BCAS3: variants seen among roughly 807,000 people sequenced by gnomAD.
BCAS3 encodes BCAS4/BCAS3 fusion.
In BCAS3, 53 loss-of-function variants were observed where a neutral mutation model predicts 116.1. The ratio of observed to expected loss-of-function variants is 0.46; its 90% CI spans 0.37 to 0.57. The LOEUF (loss-of-function observed/expected upper bound fraction) is 0.57. Among genes scored for constraint, BCAS3 ranks in the 20% least tolerant of loss-of-function variants. The pLI, the probability that BCAS3 is intolerant of heterozygous loss-of-function variation, is 0.00. For missense variants in BCAS3, 917 were observed against 1,165.4 expected (o/e 0.79, Z 3.10); for synonymous variants, 391 against 408.2 (o/e 0.96, Z 0.51).
intron 6 of BCAS3, among the ~76,000 whole-genome samples, chr17:60,751,005 T>C (rs1040262293): frequency 6.6e-6 from 1 of 152,208 alleles, no homozygotes; most frequent in African/African-American, 2.4e-5. Context: ...ATTTGTTGAA[T>C]GTTGCTGGAT....
chr17:61,040,356 A>G (rs1033934286), intron 18 of BCAS3, among the ~76,000 whole-genome samples: 3 of 152,230 alleles, frequency 2.0e-5, no homozygotes, highest in Admixed American at 6.5e-5. Flanking sequence ...AATTTGATCT[A>G]TAATAAGTCA....
intron 21 of BCAS3, among the ~76,000 whole-genome samples, chr17:61,080,884 A>AT (rs896094045): frequency 2.6e-5 from 4 of 151,884 alleles, no homozygotes; most frequent in Non-Finnish European, 5.9e-5. Context: ...TCTTCTCTGC[A>AT]TTTTTTTTGT....
chr17:61,339,889 G>A lies in BCAS3; in HGVS notation c.2426-28438G>A, dbSNP rs1010039173. Among the ~76,000 whole-genome samples, 1 of 152,178 alleles carries A rather than the reference G, an allele frequency of 6.6e-6. No individual in the cohort carries two copies. Among genetic ancestry groups the A allele is most frequent in the Non-Finnish European group, 1.5e-5 (1 of 68,036 alleles). ...CTGTCCCGAAAGCCAAGTAGAGAGA[G>A]GGTCAACTATGTCGAAAGCACACTT... On this transcript the variant is annotated intron_variant, in intron 22 of 23. Coordinates refer to ENST00000407086, the MANE Select transcript of BCAS3 (RefSeq NM_017679.5). The surrounding 1 kb of genome is among the most constrained non-coding windows in gnomAD (Gnocchi z 4.4).
intron 15 of BCAS3, among the ~76,000 whole-genome samples, chr17:61,014,522 A>T (rs2065313836): frequency 6.6e-6 from 1 of 151,968 alleles, no homozygotes; most frequent in Non-Finnish European, 1.5e-5. Flanking sequence ...CTTCTATATT[A>T]AAAAAATGAA....
intron 22 of BCAS3, among the ~76,000 whole-genome samples, chr17:61,264,235 TCTAC>T (rs1164701285): frequency 6.6e-6 from 1 of 152,114 alleles, no homozygotes; most frequent in African/African-American, 2.4e-5. Flanking sequence ...ATCTTGCAGT[TCTAC>T]TTCTAAGTAT....
intron 6 of BCAS3, among the ~76,000 whole-genome samples, chr17:60,779,945 T>A (rs2045649461): frequency 6.6e-6 from 1 of 152,150 alleles, no homozygotes; most frequent in African/African-American, 2.4e-5. Flanking sequence ...TCTATTGCAA[T>A]ATTTTTGGGA....
At chr17:61,016,005 T>C (rs915023266) in intron 16 of BCAS3, 104 bp downstream of exon 16, 1 of 1,244,204 alleles carries the variant, frequency 8.0e-7, no homozygotes, top group African/African-American at 1.5e-5. Context: ...ATGTTCTTCA[T>C]TTCCAGCTCA....
chr17:61,323,841 T>C lies in BCAS3; in HGVS notation c.2426-44486T>C, dbSNP rs1434117518. On this transcript the variant is annotated intron_variant, in intron 22 of 23. Coordinates refer to ENST00000407086, the MANE Select transcript of BCAS3 (RefSeq NM_017679.5). This position sits in a 1 kb window ranked among gnomAD's most constrained non-coding sequence, Gnocchi z 4.6. ...GAAGCAGGCAGCCCTGGCTTATCCA[T>C]GGCCCCCTGGCCCCTGTGTGGGTTC... Among the ~76,000 whole-genome samples the C allele has an allele frequency of 6.6e-6, 1 of 152,260 alleles. No homozygotes were observed. The highest frequency in any genetic ancestry group is 2.4e-5 in the African/African-American group (1 of 41,476).
chr17:61,066,993 G>A lies in BCAS3; in HGVS notation c.2030-7927G>A, dbSNP rs145239650. 6.6e-3 allele frequency among the ~76,000 whole-genome samples: 1,004 copies of A among 151,624 alleles called. 11 individuals carry two copies. The highest frequency in any genetic ancestry group is 0.014 in the South Asian group (66 of 4,796). ...TTTAATACTTTGTACCTATAGTTTA[G>A]CAGTATGTAAAGCAACACTTTTAAC... On this transcript the variant is annotated intron_variant, in intron 19 of 23. Coordinates refer to ENST00000407086, the MANE Select transcript of BCAS3 (RefSeq NM_017679.5).
rs1379779604 is a variant in BCAS3, at chr17:61,032,233, AAAC to A, written c.1638-2424_1638-2422del. 2.0e-5 allele frequency among the ~76,000 whole-genome samples: 3 copies of A among 152,136 alleles called. No individual in the cohort carries two copies. On this transcript the variant is annotated intron_variant, in intron 16 of 23. Transcript: ENST00000407086. This position sits in a 1 kb window ranked among gnomAD's most constrained non-coding sequence, Gnocchi z 4.6. The stretch of plus-strand genomic sequence containing the variant: ...ACTTGTTACTTACCACATGATTTAA[AAAC>A]AACAACAATGACATCCAGTAATTTG...
At position 61,139,507 on chromosome 17, in the gene BCAS3, A is replaced by G. The variant is rs2143927380; in HGVS notation, c.2425+54943A>G. Among the ~76,000 whole-genome samples the G allele has an allele frequency of 6.6e-6, 1 of 152,340 alleles. No individual in the cohort carries two copies. The highest frequency in any genetic ancestry group is 1.9e-4 in the East Asian group (1 of 5,184). ...TCTGGGCTCAGTGCGGGCTTTGTTT[A>G]TAGCAGAAGCCATAATGTATAATGT... On this transcript the variant is annotated intron_variant, in intron 22 of 23. Coordinates refer to ENST00000407086, the MANE Select transcript of BCAS3 (RefSeq NM_017679.5). The surrounding 1 kb of genome is among the most constrained non-coding windows in gnomAD (Gnocchi z 4.7).
chr17:60,909,560 A>G (rs1004023009), intron 11 of BCAS3, among the ~76,000 whole-genome samples: 1 of 152,122 alleles, frequency 6.6e-6, no homozygotes, highest in Non-Finnish European at 1.5e-5. Flanking sequence ...TAAGTATTCT[A>G]GGGTGCCTGT....
chr17:60,708,057 C>T (rs1416733388), intron 4 of BCAS3, among the ~76,000 whole-genome samples: 1 of 152,090 alleles, frequency 6.6e-6, no homozygotes, highest in African/African-American at 2.4e-5. Flanking sequence ...GAAGTGATGG[C>T]TTATACCTGC....
chr17:61,324,356 G>T lies in BCAS3; in HGVS notation c.2426-43971G>T, dbSNP rs2055557065. 6.6e-6 allele frequency among the ~76,000 whole-genome samples: 1 copy of T among 152,206 alleles called. No individual in the cohort carries two copies. The highest frequency in any genetic ancestry group is 1.5e-5 in the Non-Finnish European group (1 of 68,040). On this transcript the variant is annotated intron_variant, in intron 22 of 23. Coordinates refer to ENST00000407086, the MANE Select transcript of BCAS3 (RefSeq NM_017679.5). This position sits in a 1 kb window ranked among gnomAD's most constrained non-coding sequence, Gnocchi z 4.6. The stretch of plus-strand genomic sequence containing the variant: ...AGAACTAGGATTAGACTAAGGCAGA[G>T]ATTCACCCATTTGACCCCTGCAAGG...
In BCAS3 at chr17:61,151,142, A is replaced by G. The variant is rs936150725; in HGVS notation, c.2425+66578A>G. ...TGCTATTACAGGTTGACCATCCCAA[A>G]TCCAAACATCTGAAATCTGGGATGC... On this transcript the variant is annotated intron_variant, in intron 22 of 23. Transcript: ENST00000407086. The surrounding 1 kb of genome is among the most constrained non-coding windows in gnomAD (Gnocchi z 4.8). Among the ~76,000 whole-genome samples, 4 of 152,148 alleles carry G rather than the reference A, an allele frequency of 2.6e-5. No individual in the cohort carries two copies. Among genetic ancestry groups the G allele is most frequent in the Non-Finnish European group, 5.9e-5 (4 of 68,018 alleles).
chr17:60,724,282 G>A (rs1000521161), intron 5 of BCAS3, among the ~76,000 whole-genome samples: 6 of 151,618 alleles, frequency 4.0e-5, no homozygotes, highest in African/African-American at 1.5e-4. Flanking sequence ...AATTAGCTGG[G>A]CATGATGGTG....
In BCAS3 at chr17:61,256,394, C is replaced by G. The variant is rs1056083793; in HGVS notation, c.2426-111933C>G. Among the ~76,000 whole-genome samples the G allele has an allele frequency of 1.3e-5, 2 of 152,204 alleles. No homozygotes were observed. The highest frequency in any genetic ancestry group is 2.9e-5 in the Non-Finnish European group (2 of 68,038). The stretch of plus-strand genomic sequence containing the variant: ...TCAAGGCTCACTGCAACCTCCGCCT[C>G]TGGGGTTCAAGTGATTCTCCTGTCT... On this transcript the variant is annotated intron_variant, in intron 22 of 23. Transcript: ENST00000407086. The surrounding 1 kb of genome is among the most constrained non-coding windows in gnomAD (Gnocchi z 5.6).
At chr17:60,864,700 G>A (rs955598823) in intron 7 of BCAS3, among the ~76,000 whole-genome samples, 1 of 152,198 alleles carries the variant, frequency 6.6e-6, no homozygotes, top group Non-Finnish European at 1.5e-5. Flanking sequence ...ACTTGGTGAT[G>A]TGGTGTAAGA....
chr17:60,878,514 A>G (rs148457281), intron 9 of BCAS3, among the ~76,000 whole-genome samples: 27 of 152,298 alleles, frequency 1.8e-4, no homozygotes, highest in Non-Finnish European at 3.7e-4. Flanking sequence ...CATGTATATT[A>G]TATTTCAACA....
Sources: allele counts gnomAD v4.1 joint callset (sites outside exome capture counted in the v4.1 genomes callset), GRCh38; gene constraint gnomAD v4.1.1; non-coding constraint Gnocchi (gnomAD v3.1); transcripts MANE v1.5; gene names NCBI Gene and HGNC (gene_info 2026-07-23, HGNC 2026-07-21).